LMTK3: variants seen among roughly 807,000 people sequenced by gnomAD.
The protein encoded by LMTK3 is lemur tail kinase 3.
A neutral mutation model predicts 116.7 loss-of-function variants in LMTK3; 27 were observed. The observed-to-expected ratio is 0.23, with a 90% CI of 0.17 to 0.32. The LOEUF (loss-of-function observed/expected upper bound fraction) is 0.32, where lower values mean the gene tolerates loss of function less well. LMTK3 is among the 10% of genes least tolerant of loss of function. The pLI is 1.00. For synonymous variants in LMTK3, 965 were observed against 971.0 expected (o/e 0.99, Z 0.11); for missense variants, 1,764 against 2,068.5 (o/e 0.85, Z 2.86).
intron 5 of LMTK3, among the ~76,000 whole-genome samples, chr19:48,506,039 G>A (rs1379952821): frequency 6.6e-6 from 1 of 151,764 alleles, no homozygotes; most frequent in Admixed American, 6.6e-5. Flanking sequence ...CTACTCTGGA[G>A]GCTGAGGCAG....
intron 14 of LMTK3, among the ~76,000 whole-genome samples, chr19:48,487,778 CT>C (rs1485711663): frequency 2.0e-5 from 3 of 152,138 alleles, no homozygotes; most frequent in African/African-American, 7.2e-5. Context: ...CCACCCTGTA[CT>C]TTGTACCTGG....
intron 12 of LMTK3, among the ~76,000 whole-genome samples, chr19:48,493,338 A>AGCCC (rs2068113244): frequency 2.4e-4 from 1 of 4,200 alleles, no homozygotes; most frequent in Non-Finnish European, 4.7e-4. Context: ...TCCGCCCCCC[A>AGCCC]GCCCGCCCTC....
Position 48,497,824 on chromosome 19 carries a change from C to T in LMTK3, c.3245G>A (p.Gly1082Glu), listed in dbSNP as rs1243818718. The change falls in exon 11 of 15, where the codon GGG becomes GAG. Residue 1082 changes from glycine (G) to glutamate (E), a missense_variant. Around this residue, in one of 7 missense-constraint regions of LMTK3, gnomAD observed 1,028 missense variants for 1,050.6 expected, o/e 0.98. Coordinates refer to ENST00000600059, the MANE Select transcript of LMTK3 (RefSeq NM_001388485.1). This position sits in a 1 kb window ranked among gnomAD's most constrained non-coding sequence, Gnocchi z 5.7. Reference protein sequence around the residue: ...PGPLGPAPKNGTLEPGTERRA... With the variant: ...PGPLGPAPKNETLEPGTERRA... ...CCTCTCGGTCCCGGGTTCCAGCGTCCCGTTCTTGGGGGCTGGGCCAAGGGG... is the reference window on the plus strand; with the variant it reads ...CCTCTCGGTCCCGGGTTCCAGCGTCTCGTTCTTGGGGGCTGGGCCAAGGGG... 7.2e-7 allele frequency: 1 copy of T among 1,395,848 alleles called. No homozygotes were observed. The highest frequency in any genetic ancestry group is 9.3e-7 in the Non-Finnish European group (1 of 1,080,906). 86.5% of individuals were successfully genotyped at this position (1,395,848 alleles called of 1,614,324 possible). A position where few individuals can be genotyped will look rare whatever the true frequency, so the allele number is the denominator to read the frequency against.
rs1205806106 is a variant in LMTK3 at position 48,494,049 on chromosome 19, G to A, written c.3737C>T (p.Pro1246Leu). The A allele has an allele frequency of 1.7e-6, 2 of 1,181,384 alleles. No individual in the cohort carries two copies. The highest frequency in any genetic ancestry group is 2.1e-6 in the Non-Finnish European group (2 of 955,476). 73.2% of individuals were successfully genotyped at this position (1,181,384 alleles called of 1,614,324 possible). A position where few individuals can be genotyped will look rare whatever the true frequency, so the allele number is the denominator to read the frequency against. Reference protein sequence around the residue: ...PPLTLTPFPGPGPRRPPWEGA... With the variant: ...PPLTLTPFPGLGPRRPPWEGA... The stretch of plus-strand genomic sequence containing the variant: ...CTCCCACGGGGGCCGCCGCGGGCCC[G>A]GCCCCGGGAATGGCGTGAGCGTGAG... Residue 1246 changes from proline (P) to leucine (L), a missense_variant, in exon 12 of 15, where the codon CCG becomes CTG. By Grantham distance (98) the Pro-to-Leu change is moderately conservative. Transcript: ENST00000600059. The surrounding 1 kb of genome is among the most constrained non-coding windows in gnomAD (Gnocchi z 4.0).
chr19:48,491,085 G>GCT lies in LMTK3; in HGVS notation c.4366+22_4366+23insAG. 7.4e-7 allele frequency: 1 copy of GCT among 1,345,048 alleles called. No homozygotes were observed. Among genetic ancestry groups the GCT allele is most frequent in the South Asian group, 2.0e-5 (1 of 51,266 alleles). The allele number at this position is 1,345,048 out of a possible 1,614,324, so 83.3% of individuals were successfully genotyped here. On this transcript the variant is annotated intron_variant, in intron 14 of 14. Transcript: ENST00000600059. The surrounding 1 kb of genome is among the most constrained non-coding windows in gnomAD (Gnocchi z 5.1). ...GGGGGACAGAGATGGGCAGAGGAGG[G>GCT]GGCAGGGCCGAGGATATGGTACCTG...
rs780233378 is a variant in LMTK3, at chr19:48,491,507, G to C, written c.4125C>G (p.Ala1375=). The C allele has an allele frequency of 1.9e-5, 26 of 1,402,426 alleles. No homozygotes were observed. Among genetic ancestry groups the C allele is most frequent in the Non-Finnish European group, 2.3e-5 (25 of 1,073,836 alleles). The allele number at this position is 1,402,426 out of a possible 1,614,324, so 86.9% of individuals were successfully genotyped here. ...ACGGGTCCGTGTCCCCCTCGGGGGG[G>C]GCCTGGACGCTCAGCTCGTTGGTTG... ...ETPTNELSVQ[A]PPEGDTDPST... The change falls in exon 13 of 15, where the codon GCC becomes GCG. Residue 1375 remains alanine (A), a synonymous_variant. Transcript: ENST00000600059. The surrounding 1 kb of genome is among the most constrained non-coding windows in gnomAD (Gnocchi z 5.1).
chr19:48,490,618 C>A (rs1250623345), intron 14 of LMTK3, among the ~76,000 whole-genome samples: 1 of 151,902 alleles, frequency 6.6e-6, no homozygotes, highest in East Asian at 1.9e-4. Context: ...TGTGGTGAGG[C>A]ACTGCAGGGT....
intron 14 of LMTK3, among the ~76,000 whole-genome samples, chr19:48,488,796 A>G (rs1346967911): frequency 1.3e-5 from 2 of 148,202 alleles, no homozygotes; most frequent in African/African-American, 5.0e-5. Context: ...CTGGAGTGCA[A>G]TGGCTTGATC....
chr19:48,499,861 T>C lies in LMTK3; in HGVS notation c.1208A>G (p.Asp403Gly). The C allele has an allele frequency of 1.3e-6, 2 of 1,595,328 alleles. No individual in the cohort carries two copies. The highest frequency in any genetic ancestry group is 8.5e-7 in the Non-Finnish European group (1 of 1,172,850). The change falls in exon 11 of 15, where the codon GAT becomes GGT. Residue 403 changes from aspartate to glycine, a missense_variant. Transcript: ENST00000600059. ...CAAGTAGGTGAGCTGCAATTGGAGA[T>C]CAGAGGCTGAAGGGCGCTGGGCAGG... ...RPPAQRPSASDLQLQLTYLLS... is the reference protein window; with the variant it reads ...RPPAQRPSASGLQLQLTYLLS...
chr19:48,491,981 C>A lies in LMTK3; in HGVS notation c.4093-442G>T, dbSNP rs574275629. Reference sequence around the variant, plus strand: ...TGCCGTGCTGGATGCTGTGACCCTGCCCCTGAGCCCTCCCTCAGAAGTAGA... The same window carrying A: ...TGCCGTGCTGGATGCTGTGACCCTGACCCTGAGCCCTCCCTCAGAAGTAGA... On this transcript the variant is annotated intron_variant, in intron 12 of 14. Transcript: ENST00000600059. This position sits in a 1 kb window ranked among gnomAD's most constrained non-coding sequence, Gnocchi z 5.1. Among the ~76,000 whole-genome samples, 1 of 152,036 alleles carries A rather than the reference C, an allele frequency of 6.6e-6. No homozygotes were observed. Among genetic ancestry groups the A allele is most frequent in the South Asian group, 2.1e-4 (1 of 4,820 alleles).
chr19:48,498,703 T>C lies in LMTK3; in HGVS notation c.2366A>G (p.Lys789Arg), dbSNP rs1358939125. ...GGTCTCGTAGCCGCTGTCCCCCGGCTTGGGGCCCGGCGACGAGAGGCCTGA... is the reference window on the plus strand; with the variant it reads ...GGTCTCGTAGCCGCTGTCCCCCGGCCTGGGGCCCGGCGACGAGAGGCCTGA... Reference protein sequence around the residue: ...PGSGLSSPGPKPGDSGYETET... With the variant: ...PGSGLSSPGPRPGDSGYETET... The change falls in exon 11 of 15, where the codon AAG becomes AGG. Residue 789 changes from lysine (K) to arginine (R), a missense_variant. By Grantham distance (26) the Lys-to-Arg change is conservative. Around this residue, in one of 7 missense-constraint regions of LMTK3, gnomAD observed 1,028 missense variants for 1,050.6 expected, o/e 0.98. Coordinates refer to ENST00000600059, the MANE Select transcript of LMTK3 (RefSeq NM_001388485.1). 1 of 1,532,042 alleles carries C rather than the reference T, an allele frequency of 6.5e-7. No homozygotes were observed. Among genetic ancestry groups the C allele is most frequent in the South Asian group, 1.2e-5 (1 of 83,882 alleles). 94.9% of individuals were successfully genotyped at this position (1,532,042 alleles called of 1,614,324 possible). A position where few individuals can be genotyped will look rare whatever the true frequency, so the allele number is the denominator to read the frequency against.
At chr19:48,492,997 C>A (rs1308704360) in intron 12 of LMTK3, among the ~76,000 whole-genome samples, 3 of 151,884 alleles carry the variant, frequency 2.0e-5, no homozygotes, top group Non-Finnish European at 4.4e-5. Context: ...ATTTCCCTGA[C>A]CAGTCTCTCC....
At position 48,499,551 on chromosome 19, in the gene LMTK3, G is replaced by C. The variant is rs1972418688; in HGVS notation, c.1518C>G (p.Pro506=). The C allele has an allele frequency of 2.6e-6, 4 of 1,509,948 alleles. No homozygotes were observed. In the East Asian group the frequency reaches 9.9e-5, roughly 37 times the overall value. The allele number at this position is 1,509,948 out of a possible 1,614,324, so 93.5% of individuals were successfully genotyped here. A position where few individuals can be genotyped will look rare whatever the true frequency, so the allele number is the denominator to read the frequency against. The change falls in exon 11 of 15, where the codon CCC becomes CCG. Residue 506 remains proline (P), a synonymous_variant. Transcript: ENST00000600059. ...AGAAAGGGTTGGAGGGGTTGGCGTG[G>C]GGGGCCGGGGGGGCCGACGCCGGCT... is the stretch of plus-strand genomic sequence containing the variant. ...AWQPASAPPA[P]HANPSNPFYE...
In LMTK3 at chr19:48,498,713, G is replaced by A. The variant is rs1277448573; in HGVS notation, c.2356C>T (p.Pro786Ser). The change falls in exon 11 of 15, where the codon CCG becomes TCG. Residue 786 changes from proline (P) to serine (S), a missense_variant. This residue lies in a region of LMTK3 where 1,028 missense variants were observed against 1,050.6 expected (regional missense o/e 0.98). Transcript: ENST00000600059. ...CCGCTGTCCCCCGGCTTGGGGCCCG[G>A]CGACGAGAGGCCTGAACCGGGACTG... ...VASPGSGLSS[P>S]GPKPGDSGYE... is the part of the protein sequence containing the mutation. 1 of 1,532,948 alleles carries A rather than the reference G, an allele frequency of 6.5e-7. No individual in the cohort carries two copies. The highest frequency in any genetic ancestry group is 1.4e-5 in the African/African-American group (1 of 72,702). 95.0% of individuals were successfully genotyped at this position (1,532,948 alleles called of 1,614,324 possible).
chr19:48,485,397 G>C lies in LMTK3; in HGVS notation c.*376C>G, dbSNP rs1860245963. On this transcript the variant is annotated 3_prime_UTR_variant, in exon 15 of 15. Transcript: ENST00000600059. Reference sequence around the variant, plus strand: ...GGGAGACGCGAAATGGGGGGTCCGGGTCCCCGAAGCCTGCGGCCCCTGTCT... The same window carrying C: ...GGGAGACGCGAAATGGGGGGTCCGGCTCCCCGAAGCCTGCGGCCCCTGTCT... The C allele has an allele frequency of 4.9e-6, 1 of 205,840 alleles. No homozygotes were observed. Among genetic ancestry groups the C allele is most frequent in the Non-Finnish European group, 9.8e-6 (1 of 101,628 alleles). The allele number at this position is 205,840 out of a possible 1,614,324, so 12.8% of individuals were successfully genotyped here.
rs1018221631 is a variant in LMTK3, at chr19:48,500,033, C to G, written c.1152-116G>C. 2 of 989,214 alleles carry G rather than the reference C, an allele frequency of 2.0e-6. No homozygotes were observed. The highest frequency in any genetic ancestry group is 2.9e-6 in the Non-Finnish European group (2 of 696,058). The allele number at this position is 989,214 out of a possible 1,614,324, so 61.3% of individuals were successfully genotyped here. A position where few individuals can be genotyped will look rare whatever the true frequency, so the allele number is the denominator to read the frequency against. On this transcript the variant is annotated intron_variant, in intron 10 of 14. Transcript: ENST00000600059. This position sits in a 1 kb window ranked among gnomAD's most constrained non-coding sequence, Gnocchi z 4.0. ...CAGAGACCCAGAGGGTAACAGAGAC[C>G]CAGAGAGAGGGGGACAGAGACCCAG...
At position 48,499,088 on chromosome 19, in the gene LMTK3, G is replaced by A. The variant is rs751031821; in HGVS notation, c.1981C>T (p.Pro661Ser). 1.3e-6 allele frequency: 2 copies of A among 1,550,196 alleles called. No homozygotes were observed. The highest frequency in any genetic ancestry group is 1.7e-6 in the Non-Finnish European group (2 of 1,153,162). ...CAGGGTAGGGGACCCCGGCGGCTTG[G>A]GCCACCTCCAAGGCTGCTGCTGTCT... ...GEDSSSLGGGPSRRGPLPCPL... is the reference protein window; with the variant it reads ...GEDSSSLGGGSSRRGPLPCPL... The change falls in exon 11 of 15, where the codon CCA (proline) becomes TCA (serine). Residue 661 changes from proline (P) to serine (S), a missense_variant. Pro to Ser is a moderately conservative substitution (Grantham distance 74). Coordinates refer to ENST00000600059, the MANE Select transcript of LMTK3 (RefSeq NM_001388485.1).
Position 48,500,002 on chromosome 19 carries a change from G to A in LMTK3, c.1152-85C>T, listed in dbSNP as rs116514531. 4.3e-3 allele frequency: 5,793 copies of A among 1,340,924 alleles called. 163 individuals carry two copies. In the African/African-American group the frequency reaches 0.076, roughly 18 times the overall value. The allele number at this position is 1,340,924 out of a possible 1,614,324, so 83.1% of individuals were successfully genotyped here. A position where few individuals can be genotyped will look rare whatever the true frequency, so the allele number is the denominator to read the frequency against. The stretch of plus-strand genomic sequence containing the variant: ...GGGAGGGGACAGACAACCAGAGAGA[G>A]GGGGACAGAGACCCAGAGGGTAACA... On this transcript the variant is annotated intron_variant, in intron 10 of 14. Transcript: ENST00000600059. This position sits in a 1 kb window ranked among gnomAD's most constrained non-coding sequence, Gnocchi z 4.0.
At chr19:48,501,872 C>T (rs1972473992) in intron 7 of LMTK3, among the ~76,000 whole-genome samples, 1 of 150,442 alleles carries the variant, frequency 6.6e-6, no homozygotes, top group South Asian at 2.1e-4. Context: ...AGCCACCTCT[C>T]CTCATCACGT....
Sources: gnomAD v4.1 joint callset for allele counts (sites outside exome capture counted in the v4.1 genomes callset) on GRCh38, gnomAD v4.1.1 for gene constraint, gnomAD v4.1.1 regional missense constraint, Gnocchi (gnomAD v3.1) non-coding constraint, MANE v1.5 for transcripts, NCBI Gene and HGNC (gene_info 2026-07-23, HGNC 2026-07-21) for gene names.